The following MTUS2 variants were observed in gnomAD, a reference collection of about 807,000 sequenced individuals.
The protein encoded by MTUS2 is microtubule associated scaffold protein 2.
MTUS2 carries 40 observed loss-of-function variants against 114.1 expected under a neutral mutation model. The ratio of observed to expected loss-of-function variants is 0.35; its 90% CI spans 0.27 to 0.46. The LOEUF is 0.46. MTUS2 is among the 20% of genes least tolerant of loss of function. The pLI, the probability that MTUS2 is intolerant of heterozygous loss-of-function variation, is 1.00. For synonymous variants in MTUS2, 688 were observed against 672.0 expected, an observed-to-expected ratio of 1.02 and a Z score of -0.37; for missense variants, 1,679 against 1,705.4, an observed-to-expected ratio of 0.98 and a Z score of 0.27.
intron 5 of MTUS2, among the ~76,000 whole-genome samples, chr13:29,130,870 T>C (rs961231912): frequency 6.6e-6 from 1 of 152,206 alleles, no homozygotes; most frequent in Non-Finnish European, 1.5e-5. Flanking sequence ...GTGATCCGCC[T>C]GCCTCAGCCC....
intron 2 of MTUS2, among the ~76,000 whole-genome samples, chr13:28,959,539 T>G (rs1402259743): frequency 3.0e-5 from 1 of 33,478 alleles, no homozygotes; most frequent in East Asian, 0.026. Context: ...GTACACAAAG[T>G]ATTAGTGTCA....
At chr13:28,877,317 C>CAAAA (rs59056880) in intron 2 of MTUS2, among the ~76,000 whole-genome samples, 1 of 113,568 alleles carries the variant, frequency 8.8e-6, no homozygotes, top group Non-Finnish European at 1.9e-5. Context: ...GACTCCATCT[C>CAAAA]AAAAAAAAAA....
Position 29,327,048 on chromosome 13 carries a change from T to C in MTUS2, c.2905+2337T>C, listed in dbSNP as rs922380836. ...TAGACTGTGTTCCCTTATTAAACAG[T>C]CTAAAGGTATGTTTCAAGTGCGTTT... is the stretch of plus-strand genomic sequence containing the variant. On this transcript the variant is annotated intron_variant, in intron 7 of 15. Coordinates refer to ENST00000612955, the MANE Select transcript of MTUS2 (RefSeq NM_001033602.4). 2.0e-5 allele frequency among the ~76,000 whole-genome samples: 3 copies of C among 152,098 alleles called. No individual in the cohort carries two copies. In the South Asian group the frequency reaches 6.2e-4, roughly 32 times the overall value.
chr13:29,065,316 G>A (rs1172947448), intron 4 of MTUS2, among the ~76,000 whole-genome samples: 4 of 152,032 alleles, frequency 2.6e-5, no homozygotes, highest in African/African-American at 2.4e-5. Flanking sequence ...GTTAGTAATC[G>A]CCATTCTGAC....
At chr13:29,042,010 G>C (rs1280964036) in intron 4 of MTUS2, among the ~76,000 whole-genome samples, 3 of 152,152 alleles carry the variant, frequency 2.0e-5, no homozygotes, top group African/African-American at 7.2e-5. Flanking sequence ...ATGTTGAAGA[G>C]AAGTGGTGAA....
chr13:29,453,893 G>A (rs1161614844), intron 9 of MTUS2, among the ~76,000 whole-genome samples: 1 of 152,008 alleles, frequency 6.6e-6, no homozygotes, highest in Admixed American at 6.6e-5. Context: ...TGATTTTTTT[G>A]TGTCATGTCT....
intron 4 of MTUS2, among the ~76,000 whole-genome samples, chr13:29,100,539 A>C (rs1566008414): frequency 1.3e-5 from 2 of 152,066 alleles, no homozygotes; most frequent in Non-Finnish European, 2.9e-5. Context: ...GTAGACGGTA[A>C]ATTTGTCCAG....
intron 8 of MTUS2, among the ~76,000 whole-genome samples, chr13:29,390,982 C>A (rs1052099191): frequency 2.0e-5 from 3 of 152,032 alleles, no homozygotes; most frequent in African/African-American, 7.2e-5. Context: ...GGGGTTTCAC[C>A]ATATTGGTCG....
intron 8 of MTUS2, among the ~76,000 whole-genome samples, chr13:29,396,162 T>A (rs1489856257): frequency 1.3e-5 from 2 of 152,230 alleles, no homozygotes; most frequent in Non-Finnish European, 2.9e-5. Flanking sequence ...TTAAAAAGAA[T>A]TGTCACGTGG....
At chr13:28,854,654 C>T (rs1315884546) in intron 2 of MTUS2, among the ~76,000 whole-genome samples, 1 of 152,150 alleles carries the variant, frequency 6.6e-6, no homozygotes, top group Admixed American at 6.5e-5. Context: ...TTAAAAGTTC[C>T]TTTGGTTTAT....
intron 5 of MTUS2, among the ~76,000 whole-genome samples, chr13:29,108,593 T>C (rs1481967982): frequency 6.6e-6 from 1 of 152,170 alleles, no homozygotes; most frequent in Non-Finnish European, 1.5e-5. Context: ...TGCCATGACC[T>C]GGACAAGGGT....
intron 5 of MTUS2, among the ~76,000 whole-genome samples, chr13:29,150,809 G>A (rs192359911): frequency 1.3e-5 from 2 of 152,180 alleles, no homozygotes; most frequent in South Asian, 2.1e-4. Flanking sequence ...TTTCCCCATG[G>A]CTTATTTTTG....
intron 2 of MTUS2, among the ~76,000 whole-genome samples, chr13:28,928,950 A>G (rs1881471402): frequency 6.6e-6 from 1 of 152,274 alleles, no homozygotes; most frequent in Non-Finnish European, 1.5e-5. Flanking sequence ...ACACATGCAC[A>G]CATACATATA....
intron 2 of MTUS2, among the ~76,000 whole-genome samples, chr13:28,898,399 G>C (rs541739897): frequency 1.3e-5 from 2 of 152,232 alleles, no homozygotes; most frequent in East Asian, 3.9e-4. Context: ...ATCAGAGCAT[G>C]GTATGTTCCT....
intron 2 of MTUS2, among the ~76,000 whole-genome samples, chr13:28,931,159 G>A (rs777858957): frequency 3.9e-5 from 6 of 152,192 alleles, no homozygotes; most frequent in Non-Finnish European, 8.8e-5. Context: ...GCATGGCCCC[G>A]TGACTTGCTT....
intron 2 of MTUS2, among the ~76,000 whole-genome samples, chr13:28,950,031 A>G (rs1387704092): frequency 1.3e-5 from 2 of 152,234 alleles, no homozygotes; most frequent in East Asian, 3.8e-4. Context: ...GAACTGCTGT[A>G]CTATTTTCCA....
At chr13:28,866,163 A>T (rs920858783) in intron 2 of MTUS2, among the ~76,000 whole-genome samples, 55 of 152,216 alleles carry the variant, frequency 3.6e-4, no homozygotes, top group African/African-American at 1.3e-3. Context: ...TGCTCTATGC[A>T]TGGGAGCACA....
intron 5 of MTUS2, among the ~76,000 whole-genome samples, chr13:29,204,181 A>G (rs1295053868): frequency 6.6e-6 from 1 of 152,114 alleles, no homozygotes; most frequent in Non-Finnish European, 1.5e-5. Flanking sequence ...GCTGGTCTCA[A>G]ACTCCTGACT....
chr13:29,177,231 T>C (rs1893810603), intron 5 of MTUS2, among the ~76,000 whole-genome samples: 1 of 150,936 alleles, frequency 6.6e-6, no homozygotes, highest in Non-Finnish European at 1.5e-5. Flanking sequence ...GGGAGAGTTC[T>C]GGGTTGGAGA....
Sources: allele counts gnomAD v4.1 joint callset (sites outside exome capture counted in the v4.1 genomes callset), GRCh38; gene constraint gnomAD v4.1.1; transcripts MANE v1.5; gene names NCBI Gene and HGNC (gene_info 2026-07-23, HGNC 2026-07-21).